The following NRXN3 variants were observed in gnomAD, a reference collection of about 807,000 sequenced individuals.
NRXN3 encodes neurexin III.
Under a neutral mutation model 137.6 loss-of-function variants are expected in NRXN3, and 32 were observed. The observed-to-expected ratio is 0.23, with a 90% CI of 0.18 to 0.31. NRXN3 has a LOEUF of 0.31. Among genes scored for constraint, NRXN3 ranks in the 10% least tolerant of loss-of-function variants. The probability of loss-of-function intolerance (pLI) is 1.00; values close to 1 mark genes in which losing one functional copy is unlikely to be tolerated. For synonymous variants in NRXN3, 798 were observed against 784.5 expected, an observed-to-expected ratio of 1.02 and a Z score of -0.29; for missense variants, 1,574 against 2,062.5, an observed-to-expected ratio of 0.76 and a Z score of 4.59.
intron 15 of NRXN3, among the ~76,000 whole-genome samples, chr14:79,261,299 G>A (rs1410781651): frequency 1.3e-5 from 2 of 152,138 alleles, no homozygotes; most frequent in African/African-American, 4.8e-5. Context: ...TGCCAGAAAA[G>A]TGAGCAAAGT....
intron 15 of NRXN3, among the ~76,000 whole-genome samples, chr14:79,341,654 A>G (rs1374770684): frequency 6.6e-6 from 1 of 152,232 alleles, no homozygotes; most frequent in Non-Finnish European, 1.5e-5. Context: ...GAATCAGGTC[A>G]GTGGTCACCA....
At chr14:79,063,329 G>T (rs1422422546) in intron 15 of NRXN3, among the ~76,000 whole-genome samples, 1 of 152,054 alleles carries the variant, frequency 6.6e-6, no homozygotes, top group African/African-American at 2.4e-5. Flanking sequence ...TATTGCCCAG[G>T]CTGGAGTCCA....
rs150078892 is a variant in NRXN3 at position 79,398,504 on chromosome 14, GTTT to G, written c.3263-68707_3263-68705del. Among the ~76,000 whole-genome samples, 7 of 144,474 alleles carry G rather than the reference GTTT, an allele frequency of 4.8e-5. No individual in the cohort carries two copies. The East Asian group carries it at 1.4e-3, about 29-fold the overall frequency. 94.8% of individuals were successfully genotyped at this position (144,474 alleles called of 152,430 possible). A position where few individuals can be genotyped will look rare whatever the true frequency, so the allele number is the denominator to read the frequency against. On this transcript the variant is annotated intron_variant, in intron 15 of 20. Coordinates refer to ENST00000335750, the MANE Select transcript of NRXN3 (RefSeq NM_001330195.2). Reference sequence around the variant, plus strand: ...AGTAAGCAGATGGAAAATATTCATTGTTTTTTTTTTTTACCAATGAGACACTAG... The same window carrying G: ...AGTAAGCAGATGGAAAATATTCATTGTTTTTTTTTACCAATGAGACACTAG...
At chr14:79,699,216 G>A (rs2098745917) in intron 19 of NRXN3, among the ~76,000 whole-genome samples, 1 of 151,948 alleles carries the variant, frequency 6.6e-6, no homozygotes, top group African/African-American at 2.4e-5. Flanking sequence ...CTTCTCTACT[G>A]ATATTAAACC....
At chr14:79,293,912 AAG>A (rs2083602623) in intron 15 of NRXN3, among the ~76,000 whole-genome samples, 1 of 152,246 alleles carries the variant, frequency 6.6e-6, no homozygotes, top group African/African-American at 2.4e-5. Flanking sequence ...AGGAAAGAGA[AAG>A]AGAGAAATTA....
rs1029722787 is a variant in NRXN3, at chr14:79,086,281, C to G, written c.3262+98140C>G. On this transcript the variant is annotated intron_variant, in intron 15 of 20. Transcript: ENST00000335750. ...TGAGGCAAAGTCATTTTCTCAAGGCCGTGTATCTGGTTAGAGGCAGAGGTA... is the reference window on the plus strand; with the variant it reads ...TGAGGCAAAGTCATTTTCTCAAGGCGGTGTATCTGGTTAGAGGCAGAGGTA... 2.6e-5 allele frequency among the ~76,000 whole-genome samples: 4 copies of G among 152,128 alleles called. No individual in the cohort carries two copies. The East Asian group carries it at 5.8e-4, about 22-fold the overall frequency.
intron 8 of NRXN3, among the ~76,000 whole-genome samples, chr14:78,759,688 C>T (rs944699890): frequency 6.6e-6 from 1 of 152,148 alleles, no homozygotes; most frequent in Non-Finnish European, 1.5e-5. Context: ...ATTTTCCATT[C>T]AGCGAATAAA....
At chr14:78,307,622 T>A (rs913100219) in intron 4 of NRXN3, among the ~76,000 whole-genome samples, 1 of 152,158 alleles carries the variant, frequency 6.6e-6, no homozygotes, top group African/African-American at 2.4e-5. Context: ...TTCTCTTTTT[T>A]CCTAAGGCAT....
chr14:78,937,453 G>C (rs2099344442), intron 10 of NRXN3, among the ~76,000 whole-genome samples: 1 of 152,168 alleles, frequency 6.6e-6, no homozygotes, highest in African/African-American at 2.4e-5. Flanking sequence ...GTAAGCAGTA[G>C]TGGAGAAACT....
intron 15 of NRXN3, among the ~76,000 whole-genome samples, chr14:79,027,443 G>A (rs2099600511): frequency 6.6e-6 from 1 of 152,120 alleles, no homozygotes; most frequent in Non-Finnish European, 1.5e-5. Flanking sequence ...TGGGGGACTG[G>A]ATGGCTTGGG....
intron 20 of NRXN3, among the ~76,000 whole-genome samples, chr14:79,825,061 G>A (rs1240741661): frequency 6.6e-6 from 1 of 152,086 alleles, no homozygotes; most frequent in East Asian, 1.9e-4. Context: ...ATTTTATTTT[G>A]TATTTGCTAC....
At chr14:79,326,422 G>C (rs1201798439) in intron 15 of NRXN3, among the ~76,000 whole-genome samples, 1 of 152,166 alleles carries the variant, frequency 6.6e-6, no homozygotes, top group East Asian at 1.9e-4. Context: ...AAAGAAGCAA[G>C]GCTAGAAAAA....
intron 15 of NRXN3, among the ~76,000 whole-genome samples, chr14:79,385,211 G>A (rs12896048): frequency 1.6e-4 from 16 of 100,236 alleles, no homozygotes; most frequent in Middle Eastern, 5.6e-3. Flanking sequence ...CCTTCCCCCC[G>A]CCCCCACCCC....
chr14:79,621,092 A>G (rs1030994555), intron 16 of NRXN3, among the ~76,000 whole-genome samples: 9 of 152,198 alleles, frequency 5.9e-5, no homozygotes, highest in Non-Finnish European at 1.2e-4. Context: ...AAAACAAGTA[A>G]TGTCAGCATT....
chr14:78,481,257 T>C (rs1279559192), intron 4 of NRXN3, among the ~76,000 whole-genome samples: 1 of 152,220 alleles, frequency 6.6e-6, no homozygotes, highest in Admixed American at 6.5e-5. Flanking sequence ...AGGGGAACGC[T>C]GTGCAAAATG....
chr14:78,633,530 G>A (rs2097541667), intron 4 of NRXN3, among the ~76,000 whole-genome samples: 1 of 152,018 alleles, frequency 6.6e-6, no homozygotes, highest in South Asian at 2.1e-4. Flanking sequence ...CAGACCCTGG[G>A]AATTAGCAGT....
rs561847588 is a variant in NRXN3, at chr14:79,612,246, G to A, written c.3445-51532G>A. 2.6e-5 allele frequency among the ~76,000 whole-genome samples: 4 copies of A among 152,220 alleles called. No individual in the cohort carries two copies. In the East Asian group the frequency reaches 5.8e-4, roughly 22 times the overall value. ...TATATTTATGGTTTTTCAATCATTT[G>A]TGAGTGCTTGGAGGAAATTCATTGG... On this transcript the variant is annotated intron_variant, in intron 16 of 20. Transcript: ENST00000335750.
intron 4 of NRXN3, among the ~76,000 whole-genome samples, chr14:78,383,526 T>A (rs1262482940): frequency 1.3e-5 from 2 of 152,176 alleles, no homozygotes; most frequent in Non-Finnish European, 2.9e-5. Flanking sequence ...TAGAAATGAG[T>A]TGATCTTGGA....
chr14:79,806,719 GTT>G (rs561269146), intron 20 of NRXN3, among the ~76,000 whole-genome samples: 1 of 137,968 alleles, frequency 7.2e-6, no homozygotes, highest in Non-Finnish European at 1.6e-5. Flanking sequence ...TTCCTATTCT[GTT>G]TTTTTTTTTT....
Sources: gnomAD v4.1 joint callset for allele counts (sites outside exome capture counted in the v4.1 genomes callset) on GRCh38, gnomAD v4.1.1 for gene constraint, MANE v1.5 for transcripts, NCBI Gene and HGNC (gene_info 2026-07-23, HGNC 2026-07-21) for gene names.